Variants in LARGE1 observed in about 807,000 individuals in gnomAD.
The protein encoded by LARGE1 is LARGE xylosyl- and glucuronyltransferase 1, also known as xylosyl- and glucuronyltransferase LARGE1.
Under a neutral mutation model 87.6 loss-of-function variants are expected in LARGE1, and 43 were observed. That is an observed-to-expected ratio of 0.49 (90% CI 0.38 to 0.63). The LOEUF (loss-of-function observed/expected upper bound fraction) is 0.63, where lower values mean the gene tolerates loss of function less well. Ranked by LOEUF, LARGE1 falls within the 30% of genes least tolerant of loss-of-function variation. The pLI is 0.00. For missense variants in LARGE1, 802 were observed against 1,000.2 expected (o/e 0.80, Z 2.67); for synonymous variants, 434 against 394.6 (o/e 1.10, Z -1.18).
At chr22:33,371,176 C>A (rs2147002250) in intron 9 of LARGE1, among the ~76,000 whole-genome samples, 2 of 150,220 alleles carry the variant, frequency 1.3e-5, no homozygotes, top group Non-Finnish European at 1.5e-5. Context: ...AAAAAAAAAA[C>A]TCCTAAGAAA....
intron 5 of LARGE1, among the ~76,000 whole-genome samples, chr22:33,590,708 G>T (rs1011278411): frequency 6.6e-6 from 1 of 152,096 alleles, no homozygotes; most frequent in Non-Finnish European, 1.5e-5. Flanking sequence ...TGTATGTGCC[G>T]TCAGTTCATT....
chr22:33,430,983 C>A (rs2067059531), intron 7 of LARGE1, among the ~76,000 whole-genome samples: 1 of 152,222 alleles, frequency 6.6e-6, no homozygotes, highest in Admixed American at 6.5e-5. Flanking sequence ...AGACACCTGT[C>A]CCAACCCACT....
In LARGE1 at chr22:33,841,501, T is replaced by C. The variant is rs934207115; in HGVS notation, c.-83+78494A>G. Among the ~76,000 whole-genome samples the C allele has an allele frequency of 3.9e-5, 6 of 152,328 alleles. 1 individual carries two copies. Among genetic ancestry groups the C allele is most frequent in the African/African-American group, 4.8e-5 (2 of 41,580 alleles). On this transcript the variant is annotated intron_variant, in intron 1 of 14. Transcript: ENST00000397394. Reference sequence around the variant, plus strand: ...ATGCAGTAGCAAGACAGCTACTAGGTTGGATGTAGCTACAATATCCGCAGC... The same window carrying C: ...ATGCAGTAGCAAGACAGCTACTAGGCTGGATGTAGCTACAATATCCGCAGC...
chr22:33,705,149 G>C (rs544216687), intron 2 of LARGE1, among the ~76,000 whole-genome samples: 16 of 152,270 alleles, frequency 1.1e-4, no homozygotes, highest in Non-Finnish European at 1.8e-4. Flanking sequence ...AGCCACAAAG[G>C]GCTCTGTGGT....
intron 6 of LARGE1, among the ~76,000 whole-genome samples, chr22:33,473,185 T>A (rs749954714): frequency 3.8e-4 from 57 of 151,874 alleles, no homozygotes; most frequent in Non-Finnish European, 6.2e-4. Context: ...TTTTTTTCTT[T>A]GAGATGGAGT....
intron 9 of LARGE1, among the ~76,000 whole-genome samples, chr22:33,350,759 G>A (rs1940295285): frequency 2.0e-5 from 3 of 152,176 alleles, no homozygotes; most frequent in Admixed American, 2.0e-4. Flanking sequence ...CTTTGCAGAA[G>A]TAGATCAGGC....
chr22:33,331,384 CTT>C (rs1360924430), intron 10 of LARGE1, among the ~76,000 whole-genome samples: 3 of 148,692 alleles, frequency 2.0e-5, no homozygotes, highest in African/African-American at 7.6e-5. Flanking sequence ...TCTTTTCTTT[CTT>C]TCTCTCTCTC....
intron 6 of LARGE1, among the ~76,000 whole-genome samples, chr22:33,475,423 CATATTTATTTATTTATTTAT>C (rs1455881325): frequency 7.2e-6 from 1 of 138,756 alleles, no homozygotes; most frequent in Non-Finnish European, 1.6e-5. Flanking sequence ...ATCAGTGAGT[CATATTTATTTATTTATTTAT>C]TTATTTATTT....
chr22:33,257,463 A>T (rs1035556301), intron 11 of LARGE1, among the ~76,000 whole-genome samples: 1 of 150,586 alleles, frequency 6.6e-6, no homozygotes, highest in Non-Finnish European at 1.5e-5. Context: ...AAAAACAAAA[A>T]AACAAAAAAA....
chr22:33,384,024 G>A (rs1358290801), intron 8 of LARGE1, among the ~76,000 whole-genome samples, 168 bp downstream of exon 8: 1 of 152,266 alleles, frequency 6.6e-6, no homozygotes, highest in Non-Finnish European at 1.5e-5. Flanking sequence ...AAGGCACTAA[G>A]GAGTTGAGCT....
At chr22:33,843,440 A>AAAATAAATAAATAAATAAATAAATAAAT (rs59206767) in intron 1 of LARGE1, among the ~76,000 whole-genome samples, 5 of 146,536 alleles carry the variant, frequency 3.4e-5, no homozygotes, top group African/African-American at 5.1e-5. Flanking sequence ...CCCTCTCAAA[A>AAAATAAATAAATAAATAAATAAATAAAT]AAATAAATAA....
intron 11 of LARGE1, among the ~76,000 whole-genome samples, chr22:33,257,464 A>C (rs1927369657): frequency 6.6e-6 from 1 of 151,036 alleles, no homozygotes; most frequent in African/African-American, 2.4e-5. Context: ...AAAACAAAAA[A>C]ACAAAAAAAA....
At position 33,360,613 on chromosome 22, in the gene LARGE1, A is replaced by G. The variant is rs1347223009; in HGVS notation, c.1131+21306T>C. Among the ~76,000 whole-genome samples the G allele has an allele frequency of 2.3e-4, 34 of 149,460 alleles. 3 individuals carry two copies. Among genetic ancestry groups the G allele is most frequent in the Admixed American group, 2.3e-3 (34 of 15,072 alleles). On this transcript the variant is annotated intron_variant, in intron 9 of 14. Coordinates refer to ENST00000397394, the MANE Select transcript of LARGE1 (RefSeq NM_133642.5). The stretch of plus-strand genomic sequence containing the variant: ...AAACCATTCATGAGAAACCACCCCC[A>G]TGATCCAAGCACCTCCCAGCAGGCC...
At chr22:33,558,783 C>T (rs1225812409) in intron 6 of LARGE1, among the ~76,000 whole-genome samples, 1 of 152,206 alleles carries the variant, frequency 6.6e-6, no homozygotes, top group Admixed American at 6.5e-5. Flanking sequence ...AAAAGTAATA[C>T]TTCAATGTTC....
intron 6 of LARGE1, among the ~76,000 whole-genome samples, chr22:33,559,907 C>T (rs1161705517): frequency 1.3e-5 from 2 of 152,142 alleles, no homozygotes; most frequent in Non-Finnish European, 2.9e-5. Context: ...TCTCTGAATG[C>T]CTAGATCGCC....
At chr22:33,133,007 T>C in the LARGE1 span, among the ~76,000 whole-genome samples, 1 of 152,188 alleles carries the variant, frequency 6.6e-6, no homozygotes, top group Non-Finnish European at 1.5e-5. Flanking sequence ...ACTAAGGCCA[T>C]TGAAGAAATT....
intron 1 of LARGE1, among the ~76,000 whole-genome samples, chr22:33,860,145 T>A (rs1359864608): frequency 3.9e-5 from 6 of 152,120 alleles, no homozygotes; most frequent in Admixed American, 3.9e-4. Flanking sequence ...ATTTTAAATT[T>A]TTTTTTAAAT....
chr22:33,288,455 C>T (rs1326526172), intron 12 of LARGE1, among the ~76,000 whole-genome samples: 1 of 152,180 alleles, frequency 6.6e-6, no homozygotes. Flanking sequence ...GTCAATCTAT[C>T]AGTACACATA....
intron 11 of LARGE1, among the ~76,000 whole-genome samples, chr22:33,181,816 G>A (rs1383651390): frequency 1.4e-5 from 2 of 141,134 alleles, no homozygotes; most frequent in Non-Finnish European, 3.0e-5. Flanking sequence ...GCGTGAGCCA[G>A]TATGCCTGGC....
Sources: allele counts gnomAD v4.1 joint callset (sites outside exome capture counted in the v4.1 genomes callset), GRCh38; gene constraint gnomAD v4.1.1; transcripts MANE v1.5; gene names NCBI Gene and HGNC (gene_info 2026-07-23, HGNC 2026-07-21).